Variants in WDR33 observed in about 807,000 individuals in gnomAD.
WDR33 encodes pre-mRNA 3' end processing protein WDR33.
Under a neutral mutation model 164.9 loss-of-function variants are expected in WDR33, and 47 were observed. The observed-to-expected ratio is 0.29, with a 90% CI of 0.23 to 0.36. The LOEUF (loss-of-function observed/expected upper bound fraction) is 0.36. WDR33 is among the 10% of genes least tolerant of loss of function. WDR33 has a pLI of 1.00. For missense variants in WDR33, 1,137 were observed against 1,754.1 expected (o/e 0.65, Z 6.28); for synonymous variants, 505 against 589.0 (o/e 0.86, Z 2.06).
chr2:127,767,751 A>G (rs1238838726), intron 4 of WDR33, among the ~76,000 whole-genome samples: 3 of 152,158 alleles, frequency 2.0e-5, no homozygotes, highest in Non-Finnish European at 4.4e-5. Flanking sequence ...TTCAGTTTAA[A>G]TGTATTAAGT....
intron 1 of WDR33, among the ~76,000 whole-genome samples, chr2:127,793,124 T>C (rs978557065): frequency 4.6e-5 from 7 of 152,158 alleles, no homozygotes; most frequent in Admixed American, 2.0e-4. Flanking sequence ...ATCTAATGAT[T>C]TGGTACATCA....
chr2:127,720,397 G>C lies in WDR33; in HGVS notation c.1672-44C>G. ...AAAAGCATGTTGAATAAACAGGCCA[G>C]AGCCCTTGAAGATGACAATATTGCT... On this transcript the variant is annotated intron_variant, in intron 15 of 21. Transcript: ENST00000322313. The surrounding 1 kb of genome is among the most constrained non-coding windows in gnomAD (Gnocchi z 5.9). The C allele has an allele frequency of 1.3e-6, 2 of 1,493,248 alleles. No homozygotes were observed. The highest frequency in any genetic ancestry group is 1.8e-6 in the Non-Finnish European group (2 of 1,123,800). 92.5% of individuals were successfully genotyped at this position (1,493,248 alleles called of 1,614,324 possible). A position where few individuals can be genotyped will look rare whatever the true frequency, so the allele number is the denominator to read the frequency against.
chr2:127,775,437 C>T (rs989557444), intron 1 of WDR33, among the ~76,000 whole-genome samples: 1 of 152,188 alleles, frequency 6.6e-6, no homozygotes, highest in South Asian at 2.1e-4. Flanking sequence ...GATCCACCGG[C>T]CTTGGCCTCC....
intron 7 of WDR33, among the ~76,000 whole-genome samples, chr2:127,751,468 T>TTAGGGCCC (rs951943041): frequency 2.7e-5 from 4 of 148,840 alleles, no homozygotes; most frequent in Non-Finnish European, 5.9e-5. Context: ...GGAGGATGGC[T>TTAGGGCCC]TAGGGCCAGG....
intron 1 of WDR33, among the ~76,000 whole-genome samples, chr2:127,798,289 A>G (rs943628764): frequency 4.9e-5 from 7 of 143,880 alleles, no homozygotes; most frequent in African/African-American, 1.8e-4. Context: ...GATCGCTTGA[A>G]CCTGGGAAAC....
rs534874897 is a variant in WDR33 at position 127,763,384 on chromosome 2, A to C, written c.627-225T>G. ...TGAGTTTTCAATCATCAGTATTCTG[A>C]GAACTTCAAGTGTGTATTATTAGTG... On this transcript the variant is annotated intron_variant, in intron 6 of 21. Transcript: ENST00000322313. The surrounding 1 kb of genome is among the most constrained non-coding windows in gnomAD (Gnocchi z 4.5). The C allele has an allele frequency of 2.2e-6, 3 of 1,366,376 alleles. No homozygotes were observed. The highest frequency in any genetic ancestry group is 2.8e-6 in the Non-Finnish European group (3 of 1,057,672). 84.6% of individuals were successfully genotyped at this position (1,366,376 alleles called of 1,614,324 possible).
At position 127,721,697 on chromosome 2, in the gene WDR33, C is replaced by T. The variant is rs1686442021; in HGVS notation, c.1671+139G>A. On this transcript the variant is annotated intron_variant, in intron 15 of 21. Transcript: ENST00000322313. The surrounding 1 kb of genome is among the most constrained non-coding windows in gnomAD (Gnocchi z 4.9). Reference sequence around the variant, plus strand: ...CAGGATTCTTTTGGAAACTAGTCTTCTAGCATAGCAACAGGAAATGGCGGT... The same window carrying T: ...CAGGATTCTTTTGGAAACTAGTCTTTTAGCATAGCAACAGGAAATGGCGGT... The T allele has an allele frequency of 1.2e-6, 1 of 867,840 alleles. No homozygotes were observed. Among genetic ancestry groups the T allele is most frequent in the African/African-American group, 1.8e-5 (1 of 57,032 alleles). The allele number at this position is 867,840 out of a possible 1,614,324, so 53.8% of individuals were successfully genotyped here.
chr2:127,808,261 T>C (rs965671967), intron 1 of WDR33, among the ~76,000 whole-genome samples: 2 of 152,196 alleles, frequency 1.3e-5, no homozygotes, highest in Admixed American at 6.5e-5. Context: ...AACATTCTTA[T>C]ATACAAAGAA....
Position 127,704,624 on chromosome 2 carries a change from AAAAT to A in WDR33, c.*1695_*1698del, listed in dbSNP as rs1259836275. Reference sequence around the variant, plus strand: ...AAGCTGTAATTTCAAAGTTAAAAAAAAAATAGTCTCTAGATTCTAACACTGAAAA... The same window carrying A: ...AAGCTGTAATTTCAAAGTTAAAAAAAAGTCTCTAGATTCTAACACTGAAAA... On this transcript the variant is annotated 3_prime_UTR_variant, in exon 22 of 22. Coordinates refer to ENST00000322313, the MANE Select transcript of WDR33 (RefSeq NM_018383.5). 1 of 167,126 alleles carries A rather than the reference AAAAT, an allele frequency of 6.0e-6. No homozygotes were observed. The highest frequency in any genetic ancestry group is 2.4e-5 in the African/African-American group (1 of 41,470). 10.4% of individuals were successfully genotyped at this position (167,126 alleles called of 1,614,324 possible).
intron 7 of WDR33, chr2:127,737,530 CAA>C (rs1245448630): frequency 4.4e-5 from 43 of 986,060 alleles, no homozygotes; most frequent in Non-Finnish European, 4.8e-5. Flanking sequence ...AAAAGACATT[CAA>C]AAGATTGATG....
intron 7 of WDR33, among the ~76,000 whole-genome samples, chr2:127,733,201 A>G (rs1004993846): frequency 6.6e-6 from 1 of 152,172 alleles, no homozygotes; most frequent in Non-Finnish European, 1.5e-5. Flanking sequence ...AGCCCCTGAC[A>G]ACAAAAAAAA....
At position 127,741,984 on chromosome 2, in the gene WDR33, T is replaced by C. The variant is rs1248414329; in HGVS notation, c.725-15207A>G. 1.3e-5 allele frequency among the ~76,000 whole-genome samples: 2 copies of C among 152,020 alleles called. No homozygotes were observed. Among genetic ancestry groups the C allele is most frequent in the African/African-American group, 2.4e-5 (1 of 41,374 alleles). On this transcript the variant is annotated intron_variant, in intron 7 of 21. Transcript: ENST00000322313. The surrounding 1 kb of genome is among the most constrained non-coding windows in gnomAD (Gnocchi z 4.1). Reference sequence around the variant, plus strand: ...GGGAGGCCGAGGCGGGTGGATCACCTGAAGTCAGGAGTTCAAGATCAGCCT... The same window carrying C: ...GGGAGGCCGAGGCGGGTGGATCACCCGAAGTCAGGAGTTCAAGATCAGCCT...
intron 7 of WDR33, chr2:127,737,732 C>T: frequency 8.5e-7 from 1 of 1,175,370 alleles, no homozygotes; most frequent in Non-Finnish European, 1.1e-6. Flanking sequence ...TCTTCTGGAG[C>T]ACTTCCATGG....
intron 7 of WDR33, among the ~76,000 whole-genome samples, chr2:127,760,351 G>T (rs957920744): frequency 1.3e-5 from 2 of 152,200 alleles, no homozygotes; most frequent in African/African-American, 4.8e-5. Context: ...TGATGCCATA[G>T]AGTCTATGCG....
chr2:127,701,577 G>T lies in WDR33; in HGVS notation c.*4746C>A. The T allele has an allele frequency of 7.3e-7, 1 of 1,363,428 alleles. No homozygotes were observed. The allele number at this position is 1,363,428 out of a possible 1,614,324, so 84.5% of individuals were successfully genotyped here. On this transcript the variant is annotated 3_prime_UTR_variant, in exon 22 of 22. Coordinates refer to ENST00000322313, the MANE Select transcript of WDR33 (RefSeq NM_018383.5). ...GCAGGAGTACCTGGCGCAGGGGAAA[G>T]CTGGCGGCCCGGCGGCCGCGGAGCC...
chr2:127,717,526 A>C lies in WDR33; in HGVS notation c.2761-263T>G, dbSNP rs1251704769. ...TAATGCCAAAAAAGAACATCAATGG[A>C]AAGTCAGAAATTCTAACACAGCAGC... On this transcript the variant is annotated intron_variant, in intron 16 of 21. Coordinates refer to ENST00000322313, the MANE Select transcript of WDR33 (RefSeq NM_018383.5). The surrounding 1 kb of genome is among the most constrained non-coding windows in gnomAD (Gnocchi z 5.6). 6.6e-6 allele frequency among the ~76,000 whole-genome samples: 1 copy of C among 152,228 alleles called. No individual in the cohort carries two copies. The highest frequency in any genetic ancestry group is 1.5e-5 in the Non-Finnish European group (1 of 68,038).
intron 18 of WDR33, among the ~76,000 whole-genome samples, chr2:127,711,778 A>ATTTTTTTTTTTTTTTT (rs1375261650): frequency 6.4e-5 from 6 of 93,052 alleles, no homozygotes; most frequent in African/African-American, 2.4e-4. Context: ...ATATATATAT[A>ATTTTTTTTTTTTTTTT]TATTTTTTTT....
At chr2:127,790,622 T>C (rs1225552971) in intron 1 of WDR33, among the ~76,000 whole-genome samples, 1 of 152,190 alleles carries the variant, frequency 6.6e-6, no homozygotes, top group Non-Finnish European at 1.5e-5. Flanking sequence ...TTTTATTTTA[T>C]TTTTGAAACC....
Position 127,798,385 on chromosome 2 carries a change from AAAAAAAAAAAT to A in WDR33, c.-24+12616_-24+12626del, listed in dbSNP as rs1689117365. 2.0e-5 allele frequency among the ~76,000 whole-genome samples: 3 copies of A among 149,592 alleles called. No homozygotes were observed. The South Asian group carries it at 7.0e-4, about 35-fold the overall frequency. On this transcript the variant is annotated intron_variant, in intron 1 of 21. Coordinates refer to ENST00000322313, the MANE Select transcript of WDR33 (RefSeq NM_018383.5). ...ACCGTCGCAAAAAAAAAAAAAAAAA[AAAAAAAAAAAT>A]GAATTTAAAAGCATTTAACAAAATA...
Sources: gnomAD v4.1 joint callset for allele counts (sites outside exome capture counted in the v4.1 genomes callset) on GRCh38, gnomAD v4.1.1 for gene constraint, Gnocchi (gnomAD v3.1) non-coding constraint, MANE v1.5 for transcripts, NCBI Gene and HGNC (gene_info 2026-07-23, HGNC 2026-07-21) for gene names.